The following TBRG1 variants were observed in gnomAD, a reference collection of about 807,000 sequenced individuals.
TBRG1 encodes nuclear interactor of ARF and MDM2.
Under a neutral mutation model 44.0 loss-of-function variants are expected in TBRG1, and 31 were observed. The observed-to-expected ratio is 0.70, with a 90% confidence interval of 0.53 to 0.95. The LOEUF (loss-of-function observed/expected upper bound fraction) is 0.95. Among genes scored for constraint, TBRG1 ranks in the 40% least tolerant of loss-of-function variants. The pLI is 0.00. For synonymous variants in TBRG1, 171 were observed against 188.1 expected, an observed-to-expected ratio of 0.91 and a Z score of 0.74; for missense variants, 487 against 496.1, an observed-to-expected ratio of 0.98 and a Z score of 0.18.
At chr11:124,628,385 T>G (rs1036838819) in intron 5 of TBRG1, among the ~76,000 whole-genome samples, 23 of 151,396 alleles carry the variant, frequency 1.5e-4, no homozygotes, top group African/African-American at 5.3e-4. Flanking sequence ...CATATTTAAC[T>G]ATTAAAAATG....
chr11:124,629,089 G>A (rs1448474805), intron 5 of TBRG1, among the ~76,000 whole-genome samples: 1 of 151,804 alleles, frequency 6.6e-6, no homozygotes, highest in Non-Finnish European at 1.5e-5. Context: ...ACTCAAATAG[G>A]GTAAAAATTT....
Position 124,634,269 on chromosome 11 carries a change from AG to A in TBRG1, c.*2033del, listed in dbSNP as rs1252955597. 6.6e-6 allele frequency: 1 copy of A among 152,372 alleles called. No homozygotes were observed. Among genetic ancestry groups the A allele is most frequent in the Non-Finnish European group, 1.5e-5 (1 of 68,150 alleles). 9.4% of individuals were successfully genotyped at this position (152,372 alleles called of 1,614,324 possible). ...AGAATCGCTTGAACCCGGGAGGCAG[AG>A]GTTGCAGTGAGCCGAGACCGCGCCA... On this transcript the variant is annotated 3_prime_UTR_variant, in exon 9 of 9. Coordinates refer to ENST00000441174, the MANE Select transcript of TBRG1 (RefSeq NM_032811.3).
chr11:124,632,329 GAAGTAAA>G lies in TBRG1; in HGVS notation c.*92_*98del, dbSNP rs1228999862. 3.2e-5 allele frequency: 36 copies of G among 1,114,514 alleles called. 2 individuals are homozygous for G. The African/African-American group carries it at 4.4e-4, about 13-fold the overall frequency. The allele number at this position is 1,114,514 out of a possible 1,614,324, so 69.0% of individuals were successfully genotyped here. A position where few individuals can be genotyped will look rare whatever the true frequency, so the allele number is the denominator to read the frequency against. On this transcript the variant is annotated 3_prime_UTR_variant, in exon 9 of 9. Transcript: ENST00000441174. ...GTATATGAAAGAAGGCAGCAATTCA[GAAGTAAA>G]GAAGATACTAACGTATTTCATCATG...
intron 7 of TBRG1, 184 bp downstream of exon 7, chr11:124,631,039 C>T (rs184496822): frequency 2.8e-5 from 18 of 632,014 alleles, no homozygotes; most frequent in Middle Eastern, 4.2e-4. Flanking sequence ...CTCCACTGTT[C>T]GCTGATTATT....
In TBRG1 at chr11:124,632,126, C is replaced by G. The variant is rs775174148; in HGVS notation, c.1124C>G (p.Ala375Gly). 11 of 1,613,540 alleles carry G rather than the reference C, an allele frequency of 6.8e-6. No individual in the cohort carries two copies. Among genetic ancestry groups the G allele is most frequent in the Middle Eastern group, 1.6e-4 (1 of 6,080 alleles). ...GACCTCCCAGAGCTTCAGCCTGCAG[C>G]CTTTGTGTCTTCTTACCAGCCCATG... ...SLDLPELQPAAFVSSYQPMYL... is the reference protein window; with the variant it reads ...SLDLPELQPAGFVSSYQPMYL... The change falls in exon 9 of 9, where the codon GCC (alanine) becomes GGC (glycine). Residue 375 changes from alanine to glycine, a missense_variant. By Grantham distance (60) the Ala-to-Gly change is moderately conservative. Transcript: ENST00000441174.
chr11:124,629,018 A>G (rs1488228665), intron 5 of TBRG1, among the ~76,000 whole-genome samples: 1 of 152,252 alleles, frequency 6.6e-6, no homozygotes, highest in Non-Finnish European at 1.5e-5. Flanking sequence ...TTTATACATT[A>G]GTACTAACAA....
chr11:124,629,715 A>G (rs1018600494), intron 5 of TBRG1, among the ~76,000 whole-genome samples: 6 of 152,272 alleles, frequency 3.9e-5, no homozygotes, highest in Admixed American at 1.3e-4. Context: ...TGAAGTAAAC[A>G]TTGAAGAACT....
rs569182638 is a variant in TBRG1, at chr11:124,630,843, G to A, written c.935G>A (p.Arg312Gln). Residue 312 changes from arginine to glutamine, a missense_variant, in exon 7 of 9, where the codon CGA becomes CAA. Physicochemically the swap from Arg to Gln is conservative, Grantham distance 43 (BLOSUM62 1). Coordinates refer to ENST00000441174, the MANE Select transcript of TBRG1 (RefSeq NM_032811.3). ...CTGATCCAGAGCTGTCCAGGAGCTCGAAAATGCATCAAGTAAGTGTGATCA... is the reference window on the plus strand; with the variant it reads ...CTGATCCAGAGCTGTCCAGGAGCTCAAAAATGCATCAAGTAAGTGTGATCA... Reference protein sequence around the residue: ...HNLIQSCPGARKCINYQWVKF... With the variant: ...HNLIQSCPGAQKCINYQWVKF... The A allele has an allele frequency of 1.4e-5, 23 of 1,592,302 alleles. No individual in the cohort carries two copies. The highest frequency in any genetic ancestry group is 6.9e-5 in the South Asian group (6 of 87,530).
chr11:124,629,255 C>T (rs1476107652), intron 5 of TBRG1, among the ~76,000 whole-genome samples: 3 of 151,980 alleles, frequency 2.0e-5, no homozygotes, highest in African/African-American at 4.8e-5. Flanking sequence ...AGGAGAATGG[C>T]GTGAACCCGG....
intron 4 of TBRG1, 87 bp from the exon 5 acceptor site, chr11:124,626,817 A>C: frequency 1.9e-6 from 3 of 1,549,378 alleles, no homozygotes; most frequent in Non-Finnish European, 1.7e-6. Context: ...TTGCAGCCCC[A>C]AAGTGGTTCT....
intron 8 of TBRG1, 151 bp downstream of exon 8, chr11:124,631,568 G>C (rs1322476056): frequency 7.2e-6 from 6 of 828,728 alleles, no homozygotes; most frequent in East Asian, 2.5e-5. Context: ...GTTAGAGGGG[G>C]ACCTGCGGCC....
Position 124,634,749 on chromosome 11 carries a change from AATT to A in TBRG1, c.*2515_*2517del, listed in dbSNP as rs1942685670. On this transcript the variant is annotated 3_prime_UTR_variant, in exon 9 of 9. Coordinates refer to ENST00000441174, the MANE Select transcript of TBRG1 (RefSeq NM_032811.3). The stretch of plus-strand genomic sequence containing the variant: ...CTATATTCTATTATTTACATAAGAA[AATT>A]ATTTTGGTAAAGTAAGTAAGTCAAA... The A allele has an allele frequency of 1.3e-5, 2 of 152,244 alleles. No individual in the cohort carries two copies. The highest frequency in any genetic ancestry group is 4.8e-5 in the African/African-American group (2 of 41,452). The allele number at this position is 152,244 out of a possible 1,614,324, so 9.4% of individuals were successfully genotyped here. A position where few individuals can be genotyped will look rare whatever the true frequency, so the allele number is the denominator to read the frequency against.
rs1462875982 is a variant in TBRG1 at position 124,634,295 on chromosome 11, A to C, written c.*2057A>C. On this transcript the variant is annotated 3_prime_UTR_variant, in exon 9 of 9. Coordinates refer to ENST00000441174, the MANE Select transcript of TBRG1 (RefSeq NM_032811.3). Reference sequence around the variant, plus strand: ...GGTTGCAGTGAGCCGAGACCGCGCCACTGCACTCCAGCCTGGGCAACAGAG... The same window carrying C: ...GGTTGCAGTGAGCCGAGACCGCGCCCCTGCACTCCAGCCTGGGCAACAGAG... 1 of 152,366 alleles carries C rather than the reference A, an allele frequency of 6.6e-6. No individual in the cohort carries two copies. Among genetic ancestry groups the C allele is most frequent in the Non-Finnish European group, 1.5e-5 (1 of 68,152 alleles). 9.4% of individuals were successfully genotyped at this position (152,366 alleles called of 1,614,324 possible). A position where few individuals can be genotyped will look rare whatever the true frequency, so the allele number is the denominator to read the frequency against.
At position 124,630,483 on chromosome 11, in the gene TBRG1, T is replaced by C. The variant is rs1347396567; in HGVS notation, c.834T>C (p.Thr278=). 6.2e-7 allele frequency: 1 copy of C among 1,609,002 alleles called. No homozygotes were observed. Among genetic ancestry groups the C allele is most frequent in the African/African-American group, 1.3e-5 (1 of 74,848 alleles). The change falls in exon 6 of 9, where the codon ACT becomes ACC. Residue 278 remains threonine (T), a splice_region_variant and synonymous_variant. Transcript: ENST00000441174. ...HAELLRTIST[T]MGKLMPNLLP... is the part of the protein sequence containing the mutation. ...AACTGCTCAGGACTATAAGCACTAC[T>C]ATGTAAGTTGACCAAAAGCTTGAAA...
At position 124,627,044 on chromosome 11, in the gene TBRG1, G is replaced by A; in HGVS notation, c.732G>A (p.Gln244=). The A allele has an allele frequency of 6.5e-7, 1 of 1,545,666 alleles. No individual in the cohort carries two copies. Reference sequence around the variant, plus strand: ...GTCAGATCAAGGATGGTGGTGTGCAGCCTCAGGTACCCCCTCTAATAATAA... The same window carrying A: ...GTCAGATCAAGGATGGTGGTGTGCAACCTCAGGTACCCCCTCTAATAATAA... ...YTCQIKDGGV[Q]PQFEIVPEDD... Residue 244 remains glutamine (Q), a synonymous_variant, in exon 5 of 9, where the codon CAG becomes CAA. Coordinates refer to ENST00000441174, the MANE Select transcript of TBRG1 (RefSeq NM_032811.3).
In TBRG1 at chr11:124,630,787, T is replaced by C; in HGVS notation, c.879T>C (p.Phe293=). Residue 293 remains phenylalanine (F), a synonymous_variant, in exon 7 of 9, where the codon TTT becomes TTC. Coordinates refer to ENST00000441174, the MANE Select transcript of TBRG1 (RefSeq NM_032811.3). ...MPNLLPAGAD[F]FGFSHPAIHN... ...ACCTGCTTCCAGCTGGAGCTGACTT[T>C]TTTGGATTTTCTCATCCAGCCATCC... 2 of 1,608,186 alleles carry C rather than the reference T, an allele frequency of 1.2e-6. No homozygotes were observed. The highest frequency in any genetic ancestry group is 1.1e-5 in the South Asian group (1 of 89,368).
chr11:124,628,116 T>TATACACACAC (rs1565400621), intron 5 of TBRG1, among the ~76,000 whole-genome samples: 1 of 41,964 alleles, frequency 2.4e-5, no homozygotes, highest in Non-Finnish European at 4.9e-5. Flanking sequence ...TATATATATA[T>TATACACACAC]ACACACACAC....
At chr11:124,630,334 C>T (rs1446630442) in intron 5 of TBRG1, 54 bp from the exon 6 acceptor site, 1 of 1,110,154 alleles carries the variant, frequency 9.0e-7, no homozygotes, top group Non-Finnish European at 1.4e-6. Flanking sequence ...AGTAGTATGC[C>T]CCTCTCTCCT....
rs1425476818 is a variant in TBRG1, at chr11:124,633,161, C to CTTT, written c.*926_*928dup. ...TTTGTATTGCACCTCAGATAATGTG[C>CTTT]TTTTTAGCTCAGTACACTGAAACCA... is the stretch of plus-strand genomic sequence containing the variant. On this transcript the variant is annotated 3_prime_UTR_variant, in exon 9 of 9. Coordinates refer to ENST00000441174, the MANE Select transcript of TBRG1 (RefSeq NM_032811.3). The CTTT allele has an allele frequency of 2.6e-5, 4 of 152,192 alleles. No individual in the cohort carries two copies. Among genetic ancestry groups the CTTT allele is most frequent in the Non-Finnish European group, 5.9e-5 (4 of 68,056 alleles). The allele number at this position is 152,192 out of a possible 1,614,324, so 9.4% of individuals were successfully genotyped here.
Sources: allele counts gnomAD v4.1 joint callset (sites outside exome capture counted in the v4.1 genomes callset), GRCh38; gene constraint gnomAD v4.1.1; transcripts MANE v1.5; gene names NCBI Gene and HGNC (gene_info 2026-07-23, HGNC 2026-07-21).